PTPRM: variants seen among roughly 807,000 people sequenced by gnomAD.
The protein encoded by PTPRM is receptor-type tyrosine-protein phosphatase mu.
A neutral mutation model predicts 186.7 loss-of-function variants in PTPRM; 47 were observed. The ratio of observed to expected loss-of-function variants is 0.25; its 90% CI spans 0.20 to 0.32. PTPRM has a LOEUF of 0.32. Ranked by LOEUF, PTPRM falls within the 10% of genes least tolerant of loss-of-function variation. The pLI, the probability that PTPRM is intolerant of heterozygous loss-of-function variation, is 1.00. For synonymous variants in PTPRM, 668 were observed against 674.9 expected (o/e 0.99, Z 0.16); for missense variants, 1,494 against 1,865.0 (o/e 0.80, Z 3.66).
chr18:8,215,454 T>A (rs7226765), intron 14 of PTPRM, among the ~76,000 whole-genome samples: 71,707 of 151,540 alleles, frequency 0.47, 17,453 homozygotes, highest in East Asian at 0.74. Flanking sequence ...AGAGTCATTC[T>A]GGTTTTAAGA....
At chr18:8,383,296 CAAAAAAAAA>C (rs59442781) in intron 29 of PTPRM, among the ~76,000 whole-genome samples, 27 of 30,430 alleles carry the variant, frequency 8.9e-4, no homozygotes, top group African/African-American at 1.7e-3. Flanking sequence ...GCTTCTGCCT[CAAAAAAAAA>C]AAAAAAAAAA....
intron 7 of PTPRM, among the ~76,000 whole-genome samples, chr18:8,031,556 G>C (rs2085976638): frequency 6.6e-6 from 1 of 152,174 alleles, no homozygotes; most frequent in Non-Finnish European, 1.5e-5. Flanking sequence ...TCTTACTCGT[G>C]CACCTTAAGT....
rs181697647 is a variant in PTPRM, at chr18:8,378,933, C to T, written c.3613-234C>T. ...ACTTGAGGGCTCTTAATTCTAGGGA[C>T]CCACAGTGGCCCTTACGCCTCTGCC... On this transcript the variant is annotated intron_variant, in intron 27 of 32. Transcript: ENST00000580170. Among the ~76,000 whole-genome samples, 3 of 152,282 alleles carry T rather than the reference C, an allele frequency of 2.0e-5. No homozygotes were observed. The East Asian group carries it at 5.8e-4, about 29-fold the overall frequency.
Position 7,617,533 on chromosome 18 carries a change from G to A in PTPRM, c.73+49642G>A, listed in dbSNP as rs11872152. Among the ~76,000 whole-genome samples the A allele has an allele frequency of 3.6e-3, 555 of 152,188 alleles. 5 individuals carry two copies. The highest frequency in any genetic ancestry group is 0.013 in the African/African-American group (534 of 41,512). ...ATACAATAAAGATTTATTGAAATGA[G>A]TCAGATAGTGTCTTCTTATTTTTGG... On this transcript the variant is annotated intron_variant, in intron 1 of 32. Coordinates refer to ENST00000580170, the MANE Select transcript of PTPRM (RefSeq NM_001105244.2).
At chr18:8,084,000 C>T (rs2090295133) in intron 9 of PTPRM, among the ~76,000 whole-genome samples, 1 of 152,062 alleles carries the variant, frequency 6.6e-6, no homozygotes, top group Non-Finnish European at 1.5e-5. Context: ...TCTAGACAGG[C>T]AATAAAATGA....
chr18:7,949,054 G>A, intron 5 of PTPRM, 127 bp from the exon 6 acceptor site: 3 of 844,226 alleles, frequency 3.6e-6, no homozygotes, highest in Non-Finnish European at 3.5e-6. Flanking sequence ...AACTGCCCAT[G>A]GGTAATAAGC....
At chr18:8,084,109 C>T (rs1008997284) in intron 9 of PTPRM, among the ~76,000 whole-genome samples, 1 of 152,180 alleles carries the variant, frequency 6.6e-6, no homozygotes, top group African/African-American at 2.4e-5. Flanking sequence ...CCCTACCAGA[C>T]TGATACCTCC....
intron 1 of PTPRM, among the ~76,000 whole-genome samples, chr18:7,664,263 G>A (rs1481956170): frequency 1.3e-5 from 2 of 152,206 alleles, no homozygotes; most frequent in Non-Finnish European, 2.9e-5. Flanking sequence ...CAAGAGAGTG[G>A]GTAGTGAGTG....
intron 1 of PTPRM, among the ~76,000 whole-genome samples, chr18:7,773,215 G>C (rs770586486): frequency 1.8e-4 from 27 of 152,012 alleles, no homozygotes; most frequent in African/African-American, 5.3e-4. Context: ...TGTGTGGACT[G>C]TAAGTGAATT....
At chr18:7,980,207 C>A (rs1290497640) in intron 7 of PTPRM, among the ~76,000 whole-genome samples, 2 of 152,090 alleles carry the variant, frequency 1.3e-5, no homozygotes, top group Non-Finnish European at 2.9e-5. Context: ...ACTACCTCAC[C>A]TCTGCACCAC....
At chr18:7,901,756 A>C (rs1425858722) in intron 3 of PTPRM, among the ~76,000 whole-genome samples, 1 of 152,238 alleles carries the variant, frequency 6.6e-6, no homozygotes, top group African/African-American at 2.4e-5. Flanking sequence ...ATCTCAGACT[A>C]CTGTATGGCA....
In PTPRM at chr18:7,826,168, C is replaced by T. The variant is rs1190486802; in HGVS notation, c.196+51897C>T. ...GGTGTGAGCCTGCTCTGTGTTACCT[C>T]GCAGAAAGCTACACGCTGCATATTG... On this transcript the variant is annotated intron_variant, in intron 2 of 32. Transcript: ENST00000580170. 6.6e-5 allele frequency among the ~76,000 whole-genome samples: 10 copies of T among 152,164 alleles called. No individual in the cohort carries two copies. In the East Asian group the frequency reaches 9.6e-4, roughly 15 times the overall value.
At chr18:7,783,705 G>C (rs1391103339) in intron 2 of PTPRM, among the ~76,000 whole-genome samples, 1 of 151,778 alleles carries the variant, frequency 6.6e-6, no homozygotes, top group African/African-American at 2.4e-5. Context: ...TGGAGTATCT[G>C]GGACTATAGG....
In PTPRM at chr18:8,175,672, G is replaced by A. The variant is rs551272066; in HGVS notation, c.2300+31893G>A. ...GTTTAAAGCTAATGAACTGTAGCTC[G>A]TTATATTCTGCTTATATGAGGGAAA... On this transcript the variant is annotated intron_variant, in intron 14 of 32. Coordinates refer to ENST00000580170, the MANE Select transcript of PTPRM (RefSeq NM_001105244.2). Among the ~76,000 whole-genome samples the A allele has an allele frequency of 2.8e-4, 42 of 152,272 alleles. 1 individual carries two copies. In the South Asian group the frequency reaches 7.5e-3, roughly 27 times the overall value.
chr18:7,574,094 G>T (rs949590293), intron 1 of PTPRM, among the ~76,000 whole-genome samples: 2 of 152,146 alleles, frequency 1.3e-5, no homozygotes, highest in African/African-American at 4.8e-5. Context: ...GAGATCTTCT[G>T]CCTGCCCTAT....
chr18:7,926,813 G>A (rs1470390835), intron 5 of PTPRM, 130 bp downstream of exon 5: 2 of 508,830 alleles, frequency 3.9e-6, no homozygotes, highest in Non-Finnish European at 6.6e-6. Context: ...TAAGTAGCCA[G>A]ATTACTTAGT....
At chr18:7,984,588 TATATATATATATATACACACACAC>T (rs955399130) in intron 7 of PTPRM, among the ~76,000 whole-genome samples, 1 of 122,680 alleles carries the variant, frequency 8.2e-6, no homozygotes, top group African/African-American at 3.4e-5. Flanking sequence ...TATATATATA[TATATATATATATATACACACACAC>T]ACACACACAC....
chr18:8,000,169 C>G (rs891312790), intron 7 of PTPRM, among the ~76,000 whole-genome samples: 1 of 152,142 alleles, frequency 6.6e-6, no homozygotes, highest in African/African-American at 2.4e-5. Flanking sequence ...CCAGAAACAC[C>G]CTCACCAGAA....
intron 26 of PTPRM, chr18:8,376,837 T>G (rs2095699199): frequency 2.1e-6 from 1 of 472,678 alleles, no homozygotes; most frequent in South Asian, 3.1e-5. Context: ...ATTTGCACAC[T>G]TTTCTGTATT....
Sources: gnomAD v4.1 joint callset for allele counts (sites outside exome capture counted in the v4.1 genomes callset) on GRCh38, gnomAD v4.1.1 for gene constraint, MANE v1.5 for transcripts, NCBI Gene and HGNC (gene_info 2026-07-23, HGNC 2026-07-21) for gene names.